Variants in TNFRSF11B observed in about 807,000 individuals in gnomAD.
TNFRSF11B encodes the protein tumor necrosis factor receptor superfamily member 11B.
In TNFRSF11B, 16 loss-of-function variants were observed where a neutral mutation model predicts 43.4. The observed-to-expected ratio is 0.37, with a 90% confidence interval of 0.25 to 0.56. TNFRSF11B has a LOEUF of 0.56. Ranked by LOEUF, TNFRSF11B falls within the 20% of genes least tolerant of loss-of-function variation. The pLI, the probability that TNFRSF11B is intolerant of heterozygous loss-of-function variation, is 0.80. For missense variants in TNFRSF11B, 444 were observed against 490.1 expected (o/e 0.91, Z 0.89); for synonymous variants, 185 against 181.8 (o/e 1.02, Z -0.14).
At chr8:118,924,844 G>A in intron 4 of TNFRSF11B, 82 bp from the exon 5 acceptor site, 2 of 1,553,864 alleles carry the variant, frequency 1.3e-6, no homozygotes, top group Middle Eastern at 1.7e-4. Context: ...TGAGGCAAAA[G>A]GTTCTTGCAG....
At chr8:118,945,644 T>A (rs2129921610) in intron 1 of TNFRSF11B, among the ~76,000 whole-genome samples, 1 of 152,226 alleles carries the variant, frequency 6.6e-6, no homozygotes. Context: ...TGATGCAAAT[T>A]GATGGTCAGG....
chr8:118,936,758 C>T (rs1446068306), intron 1 of TNFRSF11B, among the ~76,000 whole-genome samples: 1 of 152,014 alleles, frequency 6.6e-6, no homozygotes, highest in Non-Finnish European at 1.5e-5. Context: ...ACTCCGAGAT[C>T]GCGCCACTGC....
intron 1 of TNFRSF11B, among the ~76,000 whole-genome samples, chr8:118,951,445 T>C (rs1812643530): frequency 6.6e-6 from 1 of 152,174 alleles, no homozygotes. Flanking sequence ...TAAGCAAAGA[T>C]AGTATGGACT....
At chr8:118,945,161 C>A (rs567993483) in intron 1 of TNFRSF11B, among the ~76,000 whole-genome samples, 6 of 152,154 alleles carry the variant, frequency 3.9e-5, no homozygotes, top group Admixed American at 2.6e-4. Context: ...ACCAATGGGG[C>A]AGAATAAACT....
intron 1 of TNFRSF11B, among the ~76,000 whole-genome samples, chr8:118,949,735 A>G (rs546241861): frequency 5.3e-5 from 8 of 152,332 alleles, no homozygotes; most frequent in Non-Finnish European, 8.8e-5. Context: ...CTATGGGTCC[A>G]TGGTGAAAGG....
rs10550502 is a variant in TNFRSF11B, at chr8:118,951,520, TTC to T, written c.30+270_30+271del. ...TAATGACTAAAACTTTCAAACAAGT[TTC>T]TCTCTCTCTCTCTCTCTCCCTCTCT... On this transcript the variant is annotated intron_variant, in intron 1 of 4. Coordinates refer to ENST00000297350, the MANE Select transcript of TNFRSF11B (RefSeq NM_002546.4). Among the ~76,000 whole-genome samples, 90,567 of 150,782 alleles carry T rather than the reference TTC, an allele frequency of 0.6. 28,904 individuals are homozygous for T. The highest frequency in any genetic ancestry group is 0.84 in the African/African-American group (34,432 of 41,084).
chr8:118,924,899 G>A (rs1337828407), intron 4 of TNFRSF11B, 137 bp from the exon 5 acceptor site: 2 of 1,028,398 alleles, frequency 1.9e-6, no homozygotes, highest in Non-Finnish European at 2.9e-6. Context: ...TTTTGAGAGG[G>A]AGTTAAGTGA....
chr8:118,934,548 TGGAA>T (rs1563690899), intron 1 of TNFRSF11B, among the ~76,000 whole-genome samples: 1 of 152,076 alleles, frequency 6.6e-6, no homozygotes, highest in East Asian at 1.9e-4. Context: ...GGGTGCCACT[TGGAA>T]GGAGAGTTTC....
chr8:118,951,691 G>A (rs1213020570), intron 1 of TNFRSF11B, 101 bp downstream of exon 1: 6 of 1,157,134 alleles, frequency 5.2e-6, no homozygotes, highest in Non-Finnish European at 6.3e-6. Flanking sequence ...GGGAGGGAGC[G>A]AGTGGAGCCT....
At chr8:118,933,933 T>G (rs182383368) in intron 1 of TNFRSF11B, among the ~76,000 whole-genome samples, 68 of 152,334 alleles carry the variant, frequency 4.5e-4, no homozygotes, top group African/African-American at 1.6e-3. Context: ...AATTCTGCCC[T>G]TATGGAGTTA....
chr8:118,936,495 A>G (rs184002284), intron 1 of TNFRSF11B, among the ~76,000 whole-genome samples: 1 of 152,196 alleles, frequency 6.6e-6, no homozygotes, highest in East Asian at 1.9e-4. Context: ...AGATTAATAG[A>G]GCTCTTCATC....
rs768977312 is a variant in TNFRSF11B, at chr8:118,932,954, G to T, written c.377C>A (p.Pro126His). The change falls in exon 2 of 5, where the codon CCT becomes CAT. Residue 126 changes from proline (P) to histidine (H), a missense_variant. Physicochemically the swap from Pro to His is moderately conservative, Grantham distance 77. Transcript: ENST00000297350. ...ACCAGCTTGCACCACTCCAAATCCA[G>T]GAGGGCAGCTCCTATGTTTCAAGCA... is the stretch of plus-strand genomic sequence containing the variant. Reference protein sequence around the residue: ...EFCLKHRSCPPGFGVVQAGTP... With the variant: ...EFCLKHRSCPHGFGVVQAGTP... 3.1e-6 allele frequency: 5 copies of T among 1,614,138 alleles called. No homozygotes were observed. The highest frequency in any genetic ancestry group is 2.5e-6 in the Non-Finnish European group (3 of 1,180,028).
chr8:118,935,689 T>A (rs2129902293), intron 1 of TNFRSF11B, among the ~76,000 whole-genome samples: 1 of 152,312 alleles, frequency 6.6e-6, no homozygotes, highest in South Asian at 2.1e-4. Context: ...TGATTCAACT[T>A]GCAAAAACAT....
At chr8:118,947,721 G>C (rs1481173574) in intron 1 of TNFRSF11B, among the ~76,000 whole-genome samples, 2 of 152,126 alleles carry the variant, frequency 1.3e-5, no homozygotes, top group African/African-American at 4.8e-5. Context: ...AGATAAATTT[G>C]ATAGAAGATT....
At chr8:118,930,543 C>T in intron 2 of TNFRSF11B, 1 of 212,878 alleles carries the variant, frequency 4.7e-6, no homozygotes, top group Non-Finnish European at 1.0e-5. Context: ...TCCTGAGTAG[C>T]TAGGGTTGCA....
Position 118,933,106 on chromosome 8 carries a change from G to A in TNFRSF11B, c.225C>T (p.His75=), listed in dbSNP as rs1812352058. 3 of 1,614,118 alleles carry A rather than the reference G, an allele frequency of 1.9e-6. No individual in the cohort carries two copies. In the African/African-American group the frequency reaches 4.0e-5, roughly 22 times the overall value. The part of the protein sequence containing the change: ...CPDHYYTDSW[H]TSDECLYCSP... ...TGCAGTATAGACACTCGTCACTGGT[G>A]TGCCAGCTGTCTGTGTAGTAGTGGT... The change falls in exon 2 of 5, where the codon CAC becomes CAT. Residue 75 remains histidine (H), a synonymous_variant. Coordinates refer to ENST00000297350, the MANE Select transcript of TNFRSF11B (RefSeq NM_002546.4).
intron 1 of TNFRSF11B, among the ~76,000 whole-genome samples, chr8:118,942,636 A>C (rs1812503603): frequency 1.3e-5 from 2 of 152,140 alleles, no homozygotes; most frequent in South Asian, 4.1e-4. Context: ...CTTTCTTCAC[A>C]TGCTATTATC....
At chr8:118,940,000 A>G (rs924940027) in intron 1 of TNFRSF11B, among the ~76,000 whole-genome samples, 5 of 152,256 alleles carry the variant, frequency 3.3e-5, no homozygotes, top group Admixed American at 2.0e-4. Flanking sequence ...CTATGCAGCC[A>G]TAAAAAAGGA....
chr8:118,929,591 A>C (rs3134048), intron 2 of TNFRSF11B, among the ~76,000 whole-genome samples: 24,973 of 152,026 alleles, frequency 0.16, 2,112 homozygotes, highest in Middle Eastern at 0.29. Context: ...CAGAGTCGTT[A>C]AAACTTCAGG....
Sources: gnomAD v4.1 joint callset for allele counts (sites outside exome capture counted in the v4.1 genomes callset) on GRCh38, gnomAD v4.1.1 for gene constraint, MANE v1.5 for transcripts, NCBI Gene and HGNC (gene_info 2026-07-23, HGNC 2026-07-21) for gene names.